Variants in HSD17B2 observed in about 807,000 individuals in gnomAD.
The protein encoded by HSD17B2 is hydroxysteroid 17-beta dehydrogenase 2, also known as 17-beta-hydroxysteroid dehydrogenase type 2.
A neutral mutation model predicts 26.9 loss-of-function variants in HSD17B2; 32 were observed. That is an observed-to-expected ratio of 1.19 (90% confidence interval 0.90 to 1.60). The LOEUF (loss-of-function observed/expected upper bound fraction) is 1.60, where lower values mean the gene tolerates loss of function less well. Ranked by LOEUF, HSD17B2 falls within the 40% of genes most tolerant of loss-of-function variation. The probability of loss-of-function intolerance (pLI) is 0.00; values close to 1 mark genes in which losing one functional copy is unlikely to be tolerated. For synonymous variants in HSD17B2, 246 were observed against 186.7 expected (o/e 1.32, Z -2.59); for missense variants, 613 against 468.6 (o/e 1.31, Z -2.85).
chr16:82,075,966 G>A (rs185568979), intron 3 of HSD17B2, among the ~76,000 whole-genome samples: 289 of 149,338 alleles, frequency 1.9e-3, no homozygotes, highest in African/African-American at 6.8e-3. Flanking sequence ...GAACGTTGAT[G>A]TAAAAATCCT....
chr16:82,044,274 G>A (rs1439180492), intron 1 of HSD17B2: 1 of 152,214 alleles, frequency 6.6e-6, no homozygotes, highest in African/African-American at 2.4e-5. Context: ...TGTTTGGTGG[G>A]GTCAGTCCCT....
At chr16:82,036,312 T>C (rs558591754) in intron 1 of HSD17B2, among the ~76,000 whole-genome samples, 1 of 133,276 alleles carries the variant, frequency 7.5e-6, no homozygotes, top group South Asian at 2.5e-4. Flanking sequence ...TGCCAGTTTT[T>C]CCCTTGTTTG....
At position 82,063,625 on chromosome 16, in the gene HSD17B2, T is replaced by C. The variant is rs541251546; in HGVS notation, c.266-4545T>C. On this transcript the variant is annotated intron_variant, in intron 1 of 4. Transcript: ENST00000199936. ...GCAGTAGAGGGAATGTTCTGACCAC[T>C]TAATCTGCAAGTGTCTCAAGATGAG... Among the ~76,000 whole-genome samples, 3 of 152,334 alleles carry C rather than the reference T, an allele frequency of 2.0e-5. No homozygotes were observed. The South Asian group carries it at 6.2e-4, about 32-fold the overall frequency.
intron 1 of HSD17B2, among the ~76,000 whole-genome samples, chr16:82,065,283 G>A (rs1914544174): frequency 6.6e-6 from 1 of 152,152 alleles, no homozygotes; most frequent in South Asian, 2.1e-4. Context: ...CTCTAAGTGG[G>A]TGGATGACCC....
At position 82,035,335 on chromosome 16, in the gene HSD17B2, C is replaced by A; in HGVS notation, c.-90C>A. 1 of 1,281,474 alleles carries A rather than the reference C, an allele frequency of 7.8e-7. No individual in the cohort carries two copies. Among genetic ancestry groups the A allele is most frequent in the Non-Finnish European group, 1.1e-6 (1 of 914,278 alleles). The allele number at this position is 1,281,474 out of a possible 1,614,324, so 79.4% of individuals were successfully genotyped here. A position where few individuals can be genotyped will look rare whatever the true frequency, so the allele number is the denominator to read the frequency against. Reference sequence around the variant, plus strand: ...CTTTCTCCCCTCCCTTCTTGACTCTCTGTTCACAGAACTCAGGCTGCCTCC... The same window carrying A: ...CTTTCTCCCCTCCCTTCTTGACTCTATGTTCACAGAACTCAGGCTGCCTCC... On this transcript the variant is annotated 5_prime_UTR_variant, in exon 1 of 5. In the 5' UTR this introduces an upstream ATG that the reference lacks. Coordinates refer to ENST00000199936, the MANE Select transcript of HSD17B2 (RefSeq NM_002153.3).
chr16:82,070,913 A>C (rs1914681904), intron 2 of HSD17B2, 29 bp from the exon 3 acceptor site: 4 of 1,596,082 alleles, frequency 2.5e-6, no homozygotes, highest in Non-Finnish European at 3.4e-6. Context: ...TCTTCCAGAC[A>C]CTCACTCATT....
intron 1 of HSD17B2, among the ~76,000 whole-genome samples, chr16:82,039,718 G>C (rs536341842): frequency 6.6e-6 from 1 of 152,250 alleles, no homozygotes; most frequent in South Asian, 2.1e-4. Flanking sequence ...GTAACTTTAA[G>C]TTTCTATCCT....
At chr16:82,051,164 A>G (rs1295964727) in intron 1 of HSD17B2, among the ~76,000 whole-genome samples, 1 of 152,186 alleles carries the variant, frequency 6.6e-6, no homozygotes, top group African/African-American at 2.4e-5. Flanking sequence ...TCTAGTAAAT[A>G]TCTGTGTCAT....
chr16:82,080,243 A>T (rs1229737498), intron 3 of HSD17B2, among the ~76,000 whole-genome samples: 1 of 152,130 alleles, frequency 6.6e-6, no homozygotes, highest in African/African-American at 2.4e-5. Context: ...TACACGTCCC[A>T]TTGTCTGCAA....
chr16:82,055,840 G>A (rs761465244), intron 1 of HSD17B2, among the ~76,000 whole-genome samples: 47 of 152,136 alleles, frequency 3.1e-4, no homozygotes, highest in Admixed American at 1.2e-3. Context: ...TGTGAGTGAG[G>A]GTGGCGAATT....
intron 1 of HSD17B2, among the ~76,000 whole-genome samples, chr16:82,046,141 C>T (rs1297008357): frequency 1.3e-5 from 2 of 152,214 alleles, no homozygotes; most frequent in African/African-American, 4.8e-5. Flanking sequence ...CTCATGTTTT[C>T]AGTACCAATT....
intron 1 of HSD17B2, among the ~76,000 whole-genome samples, chr16:82,065,528 A>T (rs1914550675): frequency 6.6e-6 from 1 of 152,208 alleles, no homozygotes; most frequent in African/African-American, 2.4e-5. Context: ...CAGAAGCATA[A>T]GGTATGGTAC....
chr16:82,035,465 CTG>C lies in HSD17B2; in HGVS notation c.43_44del (p.Val15ProfsTer76). On this transcript the variant is annotated frameshift_variant, in exon 1 of 5. Transcript: ENST00000199936. LOFTEE classifies it high-confidence loss of function. ...TCGGACACAGCATGGATCTGCCTGG[CTG>C]TCCCCACAGTACTATGTGGGACAGT... 6.2e-7 allele frequency: 1 copy of C among 1,613,874 alleles called. No individual in the cohort carries two copies. Among genetic ancestry groups the C allele is most frequent in the South Asian group, 1.1e-5 (1 of 91,062 alleles).
intron 4 of HSD17B2, chr16:82,092,680 G>C (rs568119784): frequency 1.3e-5 from 2 of 152,378 alleles, no homozygotes; most frequent in Non-Finnish European, 2.9e-5. Flanking sequence ...ATGCAGAGAA[G>C]ATGAAGTCTT....
chr16:82,083,629 G>C (rs953197560), intron 3 of HSD17B2, among the ~76,000 whole-genome samples: 3 of 152,116 alleles, frequency 2.0e-5, no homozygotes, highest in African/African-American at 7.2e-5. Context: ...TGAGGATCTG[G>C]GGCAGCAGCT....
At chr16:82,052,702 A>G (rs914946051) in intron 1 of HSD17B2, among the ~76,000 whole-genome samples, 6 of 152,174 alleles carry the variant, frequency 3.9e-5, no homozygotes, top group African/African-American at 1.4e-4. Flanking sequence ...TCCAGGGAAA[A>G]ATATCCTTTC....
rs75477062 is a variant in HSD17B2, at chr16:82,085,782, C to T, written c.665-5120C>T. Among the ~76,000 whole-genome samples the T allele has an allele frequency of 9.6e-3, 1,460 of 152,064 alleles. 29 individuals are homozygous for T. Among genetic ancestry groups the T allele is most frequent in the African/African-American group, 0.033 (1,376 of 41,480 alleles). ...ATAACTAGTTCCTGAGTGATGTTGG[C>T]GGTACTAATCCCCGGACCACATTTT... is the stretch of plus-strand genomic sequence containing the variant. On this transcript the variant is annotated intron_variant, in intron 3 of 4. Transcript: ENST00000199936.
At chr16:82,097,915 G>A (rs1038889634) in intron 4 of HSD17B2, 160 bp from the exon 5 acceptor site, 13 of 605,058 alleles carry the variant, frequency 2.1e-5, no homozygotes, top group Non-Finnish European at 2.6e-5. Context: ...TTAAGCCTGA[G>A]AGACAGAGAA....
chr16:82,089,767 G>A (rs2142365726), intron 3 of HSD17B2, among the ~76,000 whole-genome samples: 1 of 152,134 alleles, frequency 6.6e-6, no homozygotes, highest in African/African-American at 2.4e-5. Flanking sequence ...TCTTCATGTG[G>A]CCTTCTCCCT....
Sources: allele counts gnomAD v4.1 joint callset (sites outside exome capture counted in the v4.1 genomes callset), GRCh38; gene constraint gnomAD v4.1.1; transcripts MANE v1.5; gene names NCBI Gene and HGNC (gene_info 2026-07-23, HGNC 2026-07-21).